The following THSD7A variants were observed in gnomAD, a reference collection of about 807,000 sequenced individuals.
THSD7A encodes thrombospondin type 1 domain containing 7A.
THSD7A carries 96 observed loss-of-function variants against 231.3 expected under a neutral mutation model. The observed-to-expected ratio is 0.41, with a 90% confidence interval of 0.35 to 0.49. THSD7A has a LOEUF of 0.49. Among genes scored for constraint, THSD7A ranks in the 20% least tolerant of loss-of-function variants. The pLI is 0.05. For synonymous variants in THSD7A, 940 were observed against 743.3 expected (o/e 1.26, Z -4.30); for missense variants, 2,290 against 2,070.2 (o/e 1.11, Z -2.06).
rs111515242 is a variant in THSD7A at position 11,563,536 on chromosome 7, T to G, written c.1454-20419A>C. ...CACCATGTCTGGCTGATTTTTGTAT[T>G]TTTTTAGTAGAGACAGGGTTTCACC... On this transcript the variant is annotated intron_variant, in intron 4 of 27. Coordinates refer to ENST00000423059, the MANE Select transcript of THSD7A (RefSeq NM_015204.3). Among the ~76,000 whole-genome samples the G allele has an allele frequency of 6.6e-5, 10 of 151,930 alleles. 1 individual carries two copies. Among genetic ancestry groups the G allele is most frequent in the African/African-American group, 2.4e-4 (10 of 41,458 alleles).
chr7:11,816,655 G>C (rs1784712577), intron 1 of THSD7A, among the ~76,000 whole-genome samples: 1 of 152,170 alleles, frequency 6.6e-6, no homozygotes, highest in South Asian at 2.1e-4. Flanking sequence ...GCTTTTATGA[G>C]TGGGTTATTG....
chr7:11,416,441 A>C (rs1448474139), intron 17 of THSD7A, among the ~76,000 whole-genome samples: 2 of 152,216 alleles, frequency 1.3e-5, no homozygotes, highest in Admixed American at 1.3e-4. Flanking sequence ...GTAACTTCAA[A>C]TCTGATCCTT....
intron 6 of THSD7A, among the ~76,000 whole-genome samples, chr7:11,524,574 T>C (rs10236127): frequency 0.16 from 24,575 of 152,116 alleles, 2,341 homozygotes; most frequent in African/African-American, 0.27. Flanking sequence ...AGAGAGGTCA[T>C]TTAGCTGTGA....
intron 6 of THSD7A, among the ~76,000 whole-genome samples, chr7:11,509,821 C>CAAAAAAAAAAAATAAAAAAAAA (rs1554326843): frequency 2.5e-5 from 1 of 39,974 alleles, no homozygotes; most frequent in Non-Finnish European, 6.1e-5. Flanking sequence ...GAGTCCGTCT[C>CAAAAAAAAAAAATAAAAAAAAA]AAAAAAAAAA....
chr7:11,395,080 G>A (rs559584750), intron 23 of THSD7A, among the ~76,000 whole-genome samples: 4 of 151,670 alleles, frequency 2.6e-5, no homozygotes, highest in African/African-American at 4.8e-5. Context: ...CCCATCTCAC[G>A]TGCAAAGACA....
chr7:11,706,683 A>C (rs1161403616), intron 1 of THSD7A, among the ~76,000 whole-genome samples: 5 of 140,114 alleles, frequency 3.6e-5, no homozygotes, highest in African/African-American at 1.3e-4. Flanking sequence ...TAGCAAGAAC[A>C]CATTTGCTTC....
At chr7:11,673,988 C>T (rs1055594988) in intron 1 of THSD7A, among the ~76,000 whole-genome samples, 4 of 152,002 alleles carry the variant, frequency 2.6e-5, no homozygotes, top group Non-Finnish European at 4.4e-5. Context: ...GATCTTCGAA[C>T]TCTGAGCCAC....
chr7:11,718,907 G>T (rs1781243387), intron 1 of THSD7A, among the ~76,000 whole-genome samples: 1 of 151,396 alleles, frequency 6.6e-6, no homozygotes, highest in Admixed American at 6.6e-5. Flanking sequence ...TATGGATACT[G>T]TTGAAATAGG....
chr7:11,494,502 C>A (rs1167307538), intron 6 of THSD7A, among the ~76,000 whole-genome samples: 1 of 151,834 alleles, frequency 6.6e-6, no homozygotes, highest in Non-Finnish European at 1.5e-5. Context: ...TGTTGCTTTA[C>A]TGTTTAAAAA....
intron 1 of THSD7A, among the ~76,000 whole-genome samples, chr7:11,638,868 A>C (rs1435564252): frequency 1.3e-5 from 2 of 152,146 alleles, no homozygotes; most frequent in African/African-American, 4.8e-5. Context: ...ATATATATTC[A>C]CAAATCTGGT....
chr7:11,700,398 T>C (rs1371978540), intron 1 of THSD7A, among the ~76,000 whole-genome samples: 4 of 151,288 alleles, frequency 2.6e-5, no homozygotes, highest in Non-Finnish European at 4.4e-5. Flanking sequence ...ATTTACGTAA[T>C]TCTATTTTTC....
At position 11,788,688 on chromosome 7, in the gene THSD7A, C is replaced by A. The variant is rs77665853; in HGVS notation, c.190+43069G>T. 7.4e-3 allele frequency among the ~76,000 whole-genome samples: 1,124 copies of A among 152,084 alleles called. 12 individuals carry two copies. Among genetic ancestry groups the A allele is most frequent in the African/African-American group, 0.025 (1,049 of 41,502 alleles). ...AGAGTTGTGGATAAACTCACAGGCT[C>A]TGGATCAGACTGCTTTTATTCAAAT... On this transcript the variant is annotated intron_variant, in intron 1 of 27. Coordinates refer to ENST00000423059, the MANE Select transcript of THSD7A (RefSeq NM_015204.3).
intron 1 of THSD7A, chr7:11,821,112 T>A: frequency 9.5e-7 from 1 of 1,052,558 alleles, no homozygotes; most frequent in Non-Finnish European, 1.5e-6. Context: ...TGTTTTTGGC[T>A]GCCTCTTGCT....
chr7:11,785,681 G>C (rs558259183), intron 1 of THSD7A, among the ~76,000 whole-genome samples: 5 of 151,988 alleles, frequency 3.3e-5, no homozygotes, highest in African/African-American at 1.2e-4. Flanking sequence ...CCATGATAGA[G>C]TATTAAAATA....
At position 11,446,355 on chromosome 7, in the gene THSD7A, G is replaced by A; in HGVS notation, c.2801-31C>T. ...GAAGAGAAACAATCAGGCAATTTAA[G>A]TTGGAAAATACCATCATTAATTTCA... On this transcript the variant is annotated intron_variant, in intron 12 of 27. Coordinates refer to ENST00000423059, the MANE Select transcript of THSD7A (RefSeq NM_015204.3). This position sits in a 1 kb window ranked among gnomAD's most constrained non-coding sequence, Gnocchi z 4.0. 1 of 1,591,382 alleles carries A rather than the reference G, an allele frequency of 6.3e-7. No individual in the cohort carries two copies. Among genetic ancestry groups the A allele is most frequent in the Non-Finnish European group, 8.6e-7 (1 of 1,168,790 alleles).
chr7:11,636,384 A>C lies in THSD7A; in HGVS notation c.768T>G (p.His256Gln), dbSNP rs760020030. The change falls in exon 2 of 28, where the codon CAT (histidine) becomes CAG (glutamine). Residue 256 changes from histidine to glutamine, a missense_variant. Physicochemically the swap from His to Gln is conservative, Grantham distance 24. Coordinates refer to ENST00000423059, the MANE Select transcript of THSD7A (RefSeq NM_015204.3). This position sits in a 1 kb window ranked among gnomAD's most constrained non-coding sequence, Gnocchi z 10.0. ...TTGAGCAGGTGCTCCAGGGCCCCAC[A>C]TGCAGGCTGTACCTGAGCTCCTCGG... The part of the protein sequence containing the change: ...CEAEELRYSL[H>Q]VGPWSTCSMP... 1.9e-5 allele frequency: 30 copies of C among 1,613,832 alleles called. No homozygotes were observed. The highest frequency in any genetic ancestry group is 2.2e-5 in the East Asian group (1 of 44,866).
chr7:11,556,104 G>C (rs1204301901), intron 4 of THSD7A, among the ~76,000 whole-genome samples: 1 of 151,530 alleles, frequency 6.6e-6, no homozygotes. Flanking sequence ...TATGGACTAA[G>C]TCTTCTATTT....
intron 6 of THSD7A, among the ~76,000 whole-genome samples, chr7:11,533,544 A>G (rs989358231): frequency 3.3e-5 from 5 of 152,192 alleles, no homozygotes; most frequent in Non-Finnish European, 5.9e-5. Context: ...CACATACACC[A>G]TGGGATACTG....
Position 11,774,054 on chromosome 7 carries a change from T to C in THSD7A, c.190+57703A>G, listed in dbSNP as rs981810395. 2.6e-5 allele frequency among the ~76,000 whole-genome samples: 4 copies of C among 152,294 alleles called. No individual in the cohort carries two copies. The East Asian group carries it at 7.7e-4, about 29-fold the overall frequency. ...TTACCCAAACAGTAATAATCAATAT[T>C]GGCAGCATTTGGTGATAGTGGCTTT... On this transcript the variant is annotated intron_variant, in intron 1 of 27. Coordinates refer to ENST00000423059, the MANE Select transcript of THSD7A (RefSeq NM_015204.3).
Sources: allele counts gnomAD v4.1 joint callset (sites outside exome capture counted in the v4.1 genomes callset), GRCh38; gene constraint gnomAD v4.1.1; non-coding constraint Gnocchi (gnomAD v3.1); transcripts MANE v1.5; gene names NCBI Gene and HGNC (gene_info 2026-07-23, HGNC 2026-07-21).